Variants in TFPI observed in about 807,000 individuals in gnomAD.
TFPI encodes tissue factor pathway inhibitor, also known as anti-convertin.
TFPI carries 15 observed loss-of-function variants against 34.6 expected under a neutral mutation model. The observed-to-expected ratio is 0.43, with a 90% CI of 0.29 to 0.67. TFPI has a LOEUF of 0.67. Ranked by LOEUF, TFPI falls within the 30% of genes least tolerant of loss-of-function variation. The pLI is 0.15. For synonymous variants in TFPI, 105 were observed against 120.1 expected (o/e 0.87, Z 0.82); for missense variants, 301 against 364.0 (o/e 0.83, Z 1.41).
chr2:187,538,873 T>G (rs777212993), intron 1 of TFPI, among the ~76,000 whole-genome samples: 1 of 152,220 alleles, frequency 6.6e-6, no homozygotes, highest in Non-Finnish European at 1.5e-5. Flanking sequence ...TAAGTATTCA[T>G]GCAAAAGTGT....
chr2:187,549,950 A>C (rs370073791), intron 1 of TFPI, among the ~76,000 whole-genome samples: 4 of 152,054 alleles, frequency 2.6e-5, no homozygotes, highest in African/African-American at 9.7e-5. Flanking sequence ...TAGAGATGAG[A>C]AACAAGTGTT....
intron 1 of TFPI, among the ~76,000 whole-genome samples, chr2:187,545,110 CAAAAAAA>C (rs1054607793): frequency 6.7e-6 from 1 of 149,988 alleles, no homozygotes; most frequent in African/African-American, 2.5e-5. Flanking sequence ...GACCCTGTTT[CAAAAAAA>C]AGAAAAAAGA....
At chr2:187,476,273 A>T (rs570382316) in intron 6 of TFPI, among the ~76,000 whole-genome samples, 34 of 152,104 alleles carry the variant, frequency 2.2e-4, no homozygotes, top group Non-Finnish European at 4.6e-4. Context: ...ATTAGATATA[A>T]TCAAAAACTG....
intron 2 of TFPI, among the ~76,000 whole-genome samples, chr2:187,502,835 C>T (rs1006467055): frequency 5.9e-5 from 9 of 152,154 alleles, no homozygotes; most frequent in Non-Finnish European, 1.5e-5. Flanking sequence ...TTTATTCAAA[C>T]TTTATTAAAG....
chr2:187,535,585 G>C (rs1184632132), intron 1 of TFPI, among the ~76,000 whole-genome samples: 1 of 152,200 alleles, frequency 6.6e-6, no homozygotes, highest in Non-Finnish European at 1.5e-5. Context: ...AGCTAAAGCA[G>C]TGTTTAGAGG....
At chr2:187,478,308 C>T (rs1228546388) in intron 6 of TFPI, among the ~76,000 whole-genome samples, 3 of 152,054 alleles carry the variant, frequency 2.0e-5, no homozygotes, top group African/African-American at 7.2e-5. Context: ...TGCAGTGAGC[C>T]GAGATCGCGC....
At position 187,466,964 on chromosome 2, in the gene TFPI, T is replaced by C. The variant is rs865985926; in HGVS notation, c.887A>G (p.Tyr296Cys). 1.3e-6 allele frequency: 2 copies of C among 1,579,514 alleles called. No individual in the cohort carries two copies. The highest frequency in any genetic ancestry group is 8.6e-7 in the Non-Finnish European group (1 of 1,158,048). Residue 296 changes from tyrosine to cysteine, a missense_variant, in exon 8 of 8, where the codon TAT becomes TGT. By Grantham distance (194) the Tyr-to-Cys change is radical. Transcript: ENST00000233156. ...KRKKQRVKIA[Y>C]EEIFVKNM ...CATATTTTTAACAAAAATTTCTTCA[T>C]ATGCTATTTTCACTCTCTGCTTCTT...
chr2:187,537,503 TAATA>T (rs1188402853), intron 1 of TFPI, among the ~76,000 whole-genome samples: 4 of 152,206 alleles, frequency 2.6e-5, no homozygotes, highest in Non-Finnish European at 1.5e-5. Flanking sequence ...ATTCCCTATT[TAATA>T]AATCGTGTTG....
intron 1 of TFPI, among the ~76,000 whole-genome samples, chr2:187,537,456 T>G (rs1371685566): frequency 6.6e-6 from 1 of 152,196 alleles, no homozygotes; most frequent in Non-Finnish European, 1.5e-5. Context: ...CCATCTGATC[T>G]TTGACACACC....
rs115056474 is a variant in TFPI at position 187,531,468 on chromosome 2, A to T, written c.-3+22732T>A. On this transcript the variant is annotated intron_variant, in intron 1 of 7. Transcript: ENST00000233156. Reference sequence around the variant, plus strand: ...TTTACAGTTATTACAAGTGTCAATAACAGAAAAATATTCACAGAAATTTTT... The same window carrying T: ...TTTACAGTTATTACAAGTGTCAATATCAGAAAAATATTCACAGAAATTTTT... 9.7e-3 allele frequency among the ~76,000 whole-genome samples: 1,472 copies of T among 152,288 alleles called. 16 individuals are homozygous for T. Among genetic ancestry groups the T allele is most frequent in the African/African-American group, 0.029 (1,217 of 41,554 alleles).
chr2:187,464,382 A>G lies in TFPI; in HGVS notation c.*2554T>C, dbSNP rs1691620435. The G allele has an allele frequency of 6.6e-6, 1 of 152,312 alleles. No homozygotes were observed. The highest frequency in any genetic ancestry group is 1.5e-5 in the Non-Finnish European group (1 of 68,016). The allele number at this position is 152,312 out of a possible 1,614,324, so 9.4% of individuals were successfully genotyped here. A position where few individuals can be genotyped will look rare whatever the true frequency, so the allele number is the denominator to read the frequency against. On this transcript the variant is annotated 3_prime_UTR_variant, in exon 8 of 8. Transcript: ENST00000233156. Reference sequence around the variant, plus strand: ...GCTGAATAATGTAATTCCATATACAATTCACAGTTAGATGCACTTAATTGT... The same window carrying G: ...GCTGAATAATGTAATTCCATATACAGTTCACAGTTAGATGCACTTAATTGT...
intron 3 of TFPI, among the ~76,000 whole-genome samples, chr2:187,489,542 ATGATT>A (rs1684964036): frequency 6.6e-6 from 1 of 151,576 alleles, no homozygotes; most frequent in South Asian, 2.1e-4. Flanking sequence ...TAAAACTAAT[ATGATT>A]TAATTGATAA....
intron 1 of TFPI, among the ~76,000 whole-genome samples, chr2:187,507,597 C>T (rs909928305): frequency 7.2e-5 from 11 of 152,068 alleles, no homozygotes; most frequent in African/African-American, 2.7e-4. Flanking sequence ...TGTTTGTTGG[C>T]TGAGTAAATG....
chr2:187,478,820 T>C, intron 6 of TFPI: 1 of 1,598,820 alleles, frequency 6.3e-7, no homozygotes. Context: ...ATCACAAAAT[T>C]GATAAATAAA....
At chr2:187,520,103 G>A (rs1030293323) in intron 1 of TFPI, among the ~76,000 whole-genome samples, 5 of 152,252 alleles carry the variant, frequency 3.3e-5, no homozygotes, top group South Asian at 2.1e-4. Flanking sequence ...GGTGGGATCC[G>A]TTGAGCTAGA....
chr2:187,538,192 C>G (rs1183538893), intron 1 of TFPI, among the ~76,000 whole-genome samples: 1 of 152,158 alleles, frequency 6.6e-6, no homozygotes, highest in Non-Finnish European at 1.5e-5. Flanking sequence ...CCTCAAGTAT[C>G]TAGAACCAAA....
intron 1 of TFPI, among the ~76,000 whole-genome samples, chr2:187,542,106 C>T (rs1010057134): frequency 6.6e-6 from 1 of 152,004 alleles, no homozygotes; most frequent in Non-Finnish European, 1.5e-5. Context: ...TGAAAAGTAA[C>T]AGACAGAATT....
At chr2:187,537,044 C>A (rs1430671248) in intron 1 of TFPI, among the ~76,000 whole-genome samples, 2 of 151,678 alleles carry the variant, frequency 1.3e-5, no homozygotes, top group Non-Finnish European at 2.9e-5. Flanking sequence ...TGAAGGACCT[C>A]TTCAAGGAGA....
At chr2:187,467,548 T>G (rs1289586793) in intron 7 of TFPI, among the ~76,000 whole-genome samples, 1 of 152,154 alleles carries the variant, frequency 6.6e-6, no homozygotes, top group Admixed American at 6.6e-5. Flanking sequence ...TGTTTTAAAT[T>G]GATTCTTTTT....
Sources: gnomAD v4.1 joint callset for allele counts (sites outside exome capture counted in the v4.1 genomes callset) on GRCh38, gnomAD v4.1.1 for gene constraint, MANE v1.5 for transcripts, NCBI Gene and HGNC (gene_info 2026-07-23, HGNC 2026-07-21) for gene names.